Variants in CSMD1 observed in about 807,000 individuals in gnomAD.
CSMD1 encodes CUB and Sushi multiple domains 1, also known as CUB and sushi domain-containing protein 1.
A neutral mutation model predicts 417.5 loss-of-function variants in CSMD1; 213 were observed. The observed-to-expected ratio is 0.51, with a 90% CI of 0.46 to 0.57. CSMD1 has a LOEUF of 0.57. CSMD1 is among the 20% of genes least tolerant of loss of function. The pLI is 0.00. For missense variants in CSMD1, 6,923 were observed against 4,529.7 expected (o/e 1.53, Z -15.17); for synonymous variants, 2,862 against 1,736.8 (o/e 1.65, Z -16.11).
intron 1 of CSMD1, among the ~76,000 whole-genome samples, chr8:4,725,330 A>T (rs1038577914): frequency 5.9e-5 from 9 of 152,220 alleles, no homozygotes; most frequent in African/African-American, 1.9e-4. Flanking sequence ...CATTATCAGC[A>T]TCCAGTTCTA....
chr8:4,417,699 G>T lies in CSMD1; in HGVS notation c.415+2254C>A, dbSNP rs1006619345. Among the ~76,000 whole-genome samples the T allele has an allele frequency of 5.3e-5, 8 of 152,100 alleles. No individual in the cohort carries two copies. The South Asian group carries it at 1.0e-3, about 20-fold the overall frequency. ...TCCAAAATAAAAACTAATGGGAAAA[G>T]AGGAAATCTGAGGTATCAGAAAGAG... On this transcript the variant is annotated intron_variant, in intron 3 of 69. Coordinates refer to ENST00000635120, the MANE Select transcript of CSMD1 (RefSeq NM_033225.6).
At chr8:3,867,936 C>A (rs1805220189) in intron 5 of CSMD1, among the ~76,000 whole-genome samples, 1 of 152,068 alleles carries the variant, frequency 6.6e-6, no homozygotes. Context: ...ACCCTTACAG[C>A]CAATCTTTGT....
chr8:4,374,647 G>T (rs1468730729), intron 3 of CSMD1, among the ~76,000 whole-genome samples: 1 of 152,064 alleles, frequency 6.6e-6, no homozygotes, highest in Non-Finnish European at 1.5e-5. Context: ...TTTTTAGCTG[G>T]ATGTTTTCTG....
chr8:3,011,134 T>TAGAA (rs1808353087), intron 52 of CSMD1, among the ~76,000 whole-genome samples: 1 of 152,216 alleles, frequency 6.6e-6, no homozygotes. Flanking sequence ...TGCTGCACCA[T>TAGAA]AGTTCTTGAG....
At chr8:4,854,729 G>A (rs1361472423) in intron 1 of CSMD1, among the ~76,000 whole-genome samples, 2 of 152,150 alleles carry the variant, frequency 1.3e-5, no homozygotes, top group South Asian at 2.1e-4. Context: ...GGTGCACCAC[G>A]AGATTCTATC....
At chr8:4,257,175 A>T (rs1803518540) in intron 3 of CSMD1, among the ~76,000 whole-genome samples, 1 of 142,188 alleles carries the variant, frequency 7.0e-6, no homozygotes, top group South Asian at 2.4e-4. Context: ...ACCTTGAGTT[A>T]TAAATTATGG....
chr8:3,262,228 T>A (rs183461400), intron 26 of CSMD1, among the ~76,000 whole-genome samples: 1 of 78,166 alleles, frequency 1.3e-5, no homozygotes, highest in African/African-American at 5.3e-5. Flanking sequence ...TATATATATA[T>A]ATACACACAC....
Position 4,032,211 on chromosome 8 carries a change from G to A in CSMD1, c.416-112C>T, listed in dbSNP as rs868218297. On this transcript the variant is annotated intron_variant, in intron 3 of 69. Transcript: ENST00000635120. Reference sequence around the variant, plus strand: ...AATTATTAAAATGAGAAAACCTCTAGCATCAGAAAAATATTAATTGTTGCT... The same window carrying A: ...AATTATTAAAATGAGAAAACCTCTAACATCAGAAAAATATTAATTGTTGCT... 11 of 703,250 alleles carry A rather than the reference G, an allele frequency of 1.6e-5. No homozygotes were observed. The Admixed American group carries it at 1.9e-4, about 12-fold the overall frequency. The allele number at this position is 703,250 out of a possible 1,614,324, so 43.6% of individuals were successfully genotyped here. A position where few individuals can be genotyped will look rare whatever the true frequency, so the allele number is the denominator to read the frequency against.
At chr8:4,468,948 A>G (rs1800354210) in intron 2 of CSMD1, among the ~76,000 whole-genome samples, 1 of 125,016 alleles carries the variant, frequency 8.0e-6, no homozygotes, top group Non-Finnish European at 1.9e-5. Context: ...TTGACTCCTT[A>G]CAGACCTTCA....
intron 3 of CSMD1, among the ~76,000 whole-genome samples, chr8:4,188,869 T>C (rs866578606): frequency 8.5e-5 from 13 of 152,100 alleles, no homozygotes; most frequent in Middle Eastern, 3.2e-3. Flanking sequence ...GCATTTGTTA[T>C]TGGGTCTATG....
intron 6 of CSMD1, among the ~76,000 whole-genome samples, chr8:3,744,963 G>C (rs1283570121): frequency 1.3e-5 from 2 of 152,162 alleles, no homozygotes; most frequent in African/African-American, 4.8e-5. Context: ...ACAGGGCTGA[G>C]GCCTTTTGTA....
intron 2 of CSMD1, among the ~76,000 whole-genome samples, chr8:4,627,153 G>A (rs1430245616): frequency 1.3e-5 from 2 of 152,118 alleles, no homozygotes; most frequent in South Asian, 4.1e-4. Flanking sequence ...ATTATGCGAT[G>A]AAAACTCACT....
At chr8:4,626,271 T>G (rs1180872055) in intron 2 of CSMD1, among the ~76,000 whole-genome samples, 5 of 152,066 alleles carry the variant, frequency 3.3e-5, no homozygotes, top group Admixed American at 2.0e-4. Context: ...TCTCTGATTC[T>G]CTCAAATTGA....
intron 40 of CSMD1, among the ~76,000 whole-genome samples, chr8:3,143,277 G>C (rs1249314820): frequency 6.6e-6 from 1 of 152,148 alleles, no homozygotes; most frequent in East Asian, 1.9e-4. Flanking sequence ...AAGTTTATTA[G>C]TTTAGCAAGC....
At chr8:4,074,272 T>C (rs1399577838) in intron 3 of CSMD1, among the ~76,000 whole-genome samples, 2 of 152,026 alleles carry the variant, frequency 1.3e-5, no homozygotes, top group African/African-American at 2.4e-5. Context: ...ATAAAGAAAG[T>C]CATGAAACGG....
chr8:4,228,407 T>G (rs903567679), intron 3 of CSMD1, among the ~76,000 whole-genome samples: 2 of 152,052 alleles, frequency 1.3e-5, no homozygotes, highest in Admixed American at 1.3e-4. Flanking sequence ...TGCCCCATAT[T>G]TTGCTGAATT....
At chr8:4,409,689 A>C (rs1230863630) in intron 3 of CSMD1, among the ~76,000 whole-genome samples, 1 of 151,000 alleles carries the variant, frequency 6.6e-6, no homozygotes. Context: ...AAAGAGACAA[A>C]GCACAGAGAA....
At position 4,358,568 on chromosome 8, in the gene CSMD1, A is replaced by G. The variant is rs1269128001; in HGVS notation, c.415+61385T>C. On this transcript the variant is annotated intron_variant, in intron 3 of 69. Transcript: ENST00000635120. The stretch of plus-strand genomic sequence containing the variant: ...GCCTACAAAACTTAAAATATTTACT[A>G]TCTGGCCATTTAAAGAAAAAGTGTG... 3.9e-5 allele frequency among the ~76,000 whole-genome samples: 6 copies of G among 152,312 alleles called. No homozygotes were observed. In the South Asian group the frequency reaches 6.2e-4, roughly 16 times the overall value.
intron 5 of CSMD1, among the ~76,000 whole-genome samples, chr8:3,772,146 T>G (rs1487768873): frequency 7.0e-6 from 1 of 142,320 alleles, no homozygotes; most frequent in Non-Finnish European, 1.5e-5. Flanking sequence ...CCTTTTCTCC[T>G]TGAATTCTCA....
Sources: gnomAD v4.1 joint callset for allele counts (sites outside exome capture counted in the v4.1 genomes callset) on GRCh38, gnomAD v4.1.1 for gene constraint, MANE v1.5 for transcripts, NCBI Gene and HGNC (gene_info 2026-07-23, HGNC 2026-07-21) for gene names.